Variants in ALAS1 observed in about 807,000 individuals in gnomAD.
The protein encoded by ALAS1 is 5'-aminolevulinate synthase 1.
Under a neutral mutation model 59.6 loss-of-function variants are expected in ALAS1, and 29 were observed. The ratio of observed to expected loss-of-function variants is 0.49; its 90% CI spans 0.36 to 0.66. ALAS1 has a LOEUF of 0.66. ALAS1 is among the 30% of genes least tolerant of loss of function. The probability of loss-of-function intolerance (pLI) is 0.00; values close to 1 mark genes in which losing one functional copy is unlikely to be tolerated. For synonymous variants in ALAS1, 299 were observed against 296.6 expected (o/e 1.01, Z -0.08); for missense variants, 690 against 807.5 (o/e 0.85, Z 1.76).
rs1477487111 is a variant in ALAS1, at chr3:52,198,709, G to A, written c.-172G>A. ...CTTCCCGCTGTGGGGACACGACCAC[G>A]GAGGAATCCTTGCTTCAGGGACTCG... On this transcript the variant is annotated 5_prime_UTR_variant, in exon 2 of 12. Transcript: ENST00000484952. The A allele has an allele frequency of 2.0e-5, 23 of 1,176,730 alleles. No homozygotes were observed. The South Asian group carries it at 2.6e-4, about 13-fold the overall frequency. The allele number at this position is 1,176,730 out of a possible 1,614,324, so 72.9% of individuals were successfully genotyped here.
chr3:52,200,871 G>GA (rs1192570020), intron 3 of ALAS1, among the ~76,000 whole-genome samples: 1 of 151,872 alleles, frequency 6.6e-6, no homozygotes, highest in Non-Finnish European at 1.5e-5. Context: ...GGGCTTGTAA[G>GA]AAAATAAGTT....
intron 7 of ALAS1, 101 bp from the exon 8 acceptor site, chr3:52,206,460 TCCTACTAGGCA>T: frequency 8.0e-7 from 1 of 1,254,112 alleles, no homozygotes; most frequent in Admixed American, 2.0e-5. Flanking sequence ...AGTGTCTTTT[TCCTACTAGGCA>T]TTTTCAAAGC....
At chr3:52,210,151 G>T (rs1287135237) in intron 9 of ALAS1, among the ~76,000 whole-genome samples, 3 of 152,208 alleles carry the variant, frequency 2.0e-5, no homozygotes, top group Non-Finnish European at 4.4e-5. Flanking sequence ...TGCCTTAGCT[G>T]GGTAAAATTC....
At position 52,198,836 on chromosome 3, in the gene ALAS1, TCTC is replaced by T. The variant is rs1699125422; in HGVS notation, c.-43_-41del. The T allele has an allele frequency of 6.5e-7, 1 of 1,535,514 alleles. No homozygotes were observed. The highest frequency in any genetic ancestry group is 8.7e-7 in the Non-Finnish European group (1 of 1,146,898). On this transcript the variant is annotated 5_prime_UTR_variant, in exon 2 of 12. Transcript: ENST00000484952. ...CTGCCTGGATGGATGAGTGGCTTCT[TCTC>T]CACCTAGATGTAAGCCAAGATGTCT...
intron 10 of ALAS1, 38 bp from the exon 11 acceptor site, chr3:52,212,220 C>G (rs766685181): frequency 1.6e-5 from 26 of 1,592,618 alleles, no homozygotes; most frequent in Non-Finnish European, 2.2e-5. Context: ...GGTAGTCCTT[C>G]CTGTTGTGAC....
intron 5 of ALAS1, 21 bp downstream of exon 5, chr3:52,204,033 C>T (rs1248636420): frequency 6.3e-7 from 1 of 1,583,826 alleles, no homozygotes; most frequent in Non-Finnish European, 8.6e-7. Flanking sequence ...TTGTTATTTG[C>T]CTGATGTAGA....
chr3:52,199,520 G>A, intron 3 of ALAS1, 80 bp downstream of exon 3: 2 of 1,374,110 alleles, frequency 1.5e-6, no homozygotes, highest in Non-Finnish European at 2.0e-6. Context: ...CACAGTGGTG[G>A]TGAGGGTCAC....
In ALAS1 at chr3:52,212,989, C is replaced by T. The variant is rs578160056; in HGVS notation, c.1762+569C>T. ...AGTGTTTCCAGTGCCCCCTTGTCTA[C>T]GTGGCTGAAGGATGCACAGTAATGA... On this transcript the variant is annotated intron_variant, in intron 11 of 11. Transcript: ENST00000484952. 4.6e-5 allele frequency among the ~76,000 whole-genome samples: 7 copies of T among 152,284 alleles called. No individual in the cohort carries two copies. In the South Asian group the frequency reaches 1.5e-3, roughly 32 times the overall value.
intron 5 of ALAS1, 82 bp from the exon 6 acceptor site, chr3:52,204,611 A>C (rs377484674): frequency 1.7e-6 from 2 of 1,180,962 alleles, no homozygotes; most frequent in Admixed American, 4.0e-5. Context: ...CTCAGTTGCC[A>C]AGCTGAGACT....
Position 52,212,273 on chromosome 3 carries a change from AAAAAC to A in ALAS1, c.1617_1621del (p.Lys539AsnfsTer5), listed in dbSNP as rs1435292867. The A allele has an allele frequency of 1.9e-6, 3 of 1,613,808 alleles. No homozygotes were observed. The East Asian group carries it at 6.7e-5, about 36-fold the overall frequency. Reference sequence around the variant, plus strand: ...TTGAACTTAGGTTGCAGATGCTGCTAAAAACACAGAAGTCTGTGATGAACTAATGA... The same window carrying A: ...TTGAACTTAGGTTGCAGATGCTGCTAACAGAAGTCTGTGATGAACTAATGA... On this transcript the variant is annotated frameshift_variant, in exon 11 of 12. Coordinates refer to ENST00000484952, the MANE Select transcript of ALAS1 (RefSeq NM_000688.6). LOFTEE classifies it high-confidence loss of function.
intron 8 of ALAS1, among the ~76,000 whole-genome samples, chr3:52,207,449 A>G (rs561210997): frequency 4.0e-4 from 60 of 151,106 alleles, no homozygotes; most frequent in African/African-American, 1.4e-3. Context: ...TGTGTTTTTT[A>G]ATTTTCTTTT....
chr3:52,212,557 G>T (rs764853391), intron 11 of ALAS1, 137 bp downstream of exon 11: 1 of 1,171,588 alleles, frequency 8.5e-7, no homozygotes, highest in Non-Finnish European at 1.2e-6. Flanking sequence ...TGAGACAAGA[G>T]TTTCGCTCTT....
At chr3:52,205,229 T>C (rs759899502) in intron 6 of ALAS1, among the ~76,000 whole-genome samples, 1 of 152,060 alleles carries the variant, frequency 6.6e-6, no homozygotes, top group Non-Finnish European at 1.5e-5. Flanking sequence ...GAGACATCCT[T>C]GGTTGTGGCT....
At chr3:52,211,645 G>A in intron 10 of ALAS1, 94 bp downstream of exon 10, 1 of 1,532,238 alleles carries the variant, frequency 6.5e-7, no homozygotes, top group Non-Finnish European at 8.9e-7. Context: ...AGTTGGGCTT[G>A]AGCGGGGTGA....
intron 1 of ALAS1, 133 bp downstream of exon 1, chr3:52,198,388 G>A: frequency 2.3e-6 from 1 of 427,850 alleles, no homozygotes; most frequent in Non-Finnish European, 4.1e-6. Flanking sequence ...TGAGGTCAGC[G>A]TTTATCCTCC....
chr3:52,212,447 C>G lies in ALAS1; in HGVS notation c.1762+27C>G, dbSNP rs778698812. 5 of 1,613,416 alleles carry G rather than the reference C, an allele frequency of 3.1e-6. No individual in the cohort carries two copies. In the South Asian group the frequency reaches 4.4e-5, roughly 14 times the overall value. ...TGAGTACCTGGGGAGCTGCTGGTGC[C>G]TCACTGAGGAGTTGCATAAAGCTGT... is the stretch of plus-strand genomic sequence containing the variant. On this transcript the variant is annotated intron_variant, in intron 11 of 11. Transcript: ENST00000484952.
At chr3:52,207,899 T>G (rs1458731614) in intron 8 of ALAS1, among the ~76,000 whole-genome samples, 184 bp from the exon 9 acceptor site, 1 of 152,242 alleles carries the variant, frequency 6.6e-6, no homozygotes, top group African/African-American at 2.4e-5. Context: ...AAAGTGGATT[T>G]TCTATTCTGG....
intron 2 of ALAS1, 133 bp downstream of exon 2, chr3:52,198,981 C>T: frequency 1.7e-6 from 2 of 1,157,276 alleles, no homozygotes; most frequent in Non-Finnish European, 2.5e-6. Flanking sequence ...GGTGAAGTTG[C>T]TTTGCAGGTG....
At position 52,208,259 on chromosome 3, in the gene ALAS1, T is replaced by C. The variant is rs1699335277; in HGVS notation, c.1330+12T>C. On this transcript the variant is annotated intron_variant, in intron 9 of 11. Coordinates refer to ENST00000484952, the MANE Select transcript of ALAS1 (RefSeq NM_000688.6). The stretch of plus-strand genomic sequence containing the variant: ...TTCTGGAACACTTGGTATGTATACA[T>C]TGTATTACATACACTAAAATTCCAT... The C allele has an allele frequency of 1.9e-6, 3 of 1,612,734 alleles. No individual in the cohort carries two copies. Among genetic ancestry groups the C allele is most frequent in the Non-Finnish European group, 2.5e-6 (3 of 1,179,086 alleles).
Sources: allele counts gnomAD v4.1 joint callset (sites outside exome capture counted in the v4.1 genomes callset), GRCh38; gene constraint gnomAD v4.1.1; transcripts MANE v1.5; gene names NCBI Gene and HGNC (gene_info 2026-07-23, HGNC 2026-07-21).